VPS13A: variants seen among roughly 807,000 people sequenced by gnomAD.
VPS13A encodes intermembrane lipid transfer protein VPS13A.
In VPS13A, 264 loss-of-function variants were observed where a neutral mutation model predicts 390.9. That is an observed-to-expected ratio of 0.68 (90% CI 0.61 to 0.75). The LOEUF is 0.75. VPS13A is among the 30% of genes least tolerant of loss of function. VPS13A has a pLI of 0.00. For synonymous variants in VPS13A, 1,231 were observed against 1,227.1 expected (o/e 1.00, Z -0.07); for missense variants, 3,409 against 3,733.9 (o/e 0.91, Z 2.27).
chr9:77,211,895 G>A (rs1476969813), intron 7 of VPS13A, among the ~76,000 whole-genome samples: 10 of 152,160 alleles, frequency 6.6e-5, no homozygotes, highest in Non-Finnish European at 8.8e-5. Flanking sequence ...GAGCATTACC[G>A]CCTGAGCTCT....
chr9:77,201,468 C>G, intron 3 of VPS13A, 61 bp downstream of exon 3: 2 of 1,272,658 alleles, frequency 1.6e-6, no homozygotes, highest in Non-Finnish European at 2.3e-6. Context: ...AATAATTTGC[C>G]TAATATATCT....
chr9:77,353,374 T>C, intron 53 of VPS13A, 35 bp from the exon 54 acceptor site: 1 of 1,483,720 alleles, frequency 6.7e-7, no homozygotes, highest in African/African-American at 1.4e-5. Context: ...TTCTAATTTT[T>C]TGGTTTTTTT....
chr9:77,306,410 G>T (rs866960183), intron 34 of VPS13A, among the ~76,000 whole-genome samples: 1 of 132,984 alleles, frequency 7.5e-6, no homozygotes. Context: ...GAGTGTGTGT[G>T]TGTTTGTGTG....
chr9:77,402,903 TA>T (rs1834450706), intron 68 of VPS13A, among the ~76,000 whole-genome samples: 1 of 152,156 alleles, frequency 6.6e-6, no homozygotes, highest in South Asian at 2.1e-4. Context: ...TTTGTACAAA[TA>T]TTATTAAATA....
intron 34 of VPS13A, among the ~76,000 whole-genome samples, chr9:77,303,614 T>C (rs555878436): frequency 5.6e-4 from 85 of 152,238 alleles, no homozygotes; most frequent in Non-Finnish European, 1.1e-3. Flanking sequence ...TGATTATTAT[T>C]TTCATTATTT....
At chr9:77,199,839 A>G (rs185381432) in intron 1 of VPS13A, 106 bp from the exon 2 acceptor site, 1 of 874,570 alleles carries the variant, frequency 1.1e-6, no homozygotes, top group Non-Finnish European at 1.8e-6. Context: ...TGTTATGCAC[A>G]TTATTTATAT....
rs781022125 is a variant in VPS13A at position 77,260,134 on chromosome 9, T to A, written c.2337T>A (p.Asp779Glu). 162 of 1,587,932 alleles carry A rather than the reference T, an allele frequency of 1.0e-4. No individual in the cohort carries two copies. The highest frequency in any genetic ancestry group is 1.3e-4 in the Non-Finnish European group (151 of 1,157,572). Residue 779 changes from aspartate (D) to glutamate (E), a missense_variant, in exon 23 of 72, where the codon GAT (aspartate) becomes GAA (glutamate). Physicochemically the swap from Asp to Glu is conservative, Grantham distance 45 (BLOSUM62 2). This residue lies in a region of VPS13A where 2,717 missense variants were observed against 2,917.4 expected (regional missense o/e 0.93). Coordinates refer to ENST00000360280, the MANE Select transcript of VPS13A (RefSeq NM_033305.3). ...CTCTTATTTCTTTACGAATCTCAGATAAAAAACTACAAGGGATTATGGAAT... is the reference window on the plus strand; with the variant it reads ...CTCTTATTTCTTTACGAATCTCAGAAAAAAAACTACAAGGGATTATGGAAT... ...KLPLISLRIS[D>E]KKLQGIMELI...
chr9:77,289,680 T>C (rs1019977861), intron 31 of VPS13A, among the ~76,000 whole-genome samples: 1 of 152,236 alleles, frequency 6.6e-6, no homozygotes, highest in African/African-American at 2.4e-5. Flanking sequence ...GCAATTAGTT[T>C]TCTAAAGATG....
intron 71 of VPS13A, among the ~76,000 whole-genome samples, chr9:77,415,454 A>G (rs1240630508): frequency 1.3e-5 from 2 of 152,186 alleles, no homozygotes; most frequent in Non-Finnish European, 2.9e-5. Flanking sequence ...AATAATAGAC[A>G]TTACTGGTAG....
At chr9:77,355,976 G>A (rs1831754517) in intron 54 of VPS13A, among the ~76,000 whole-genome samples, 1 of 152,114 alleles carries the variant, frequency 6.6e-6, no homozygotes, top group South Asian at 2.1e-4. Context: ...TCAACACAGA[G>A]TGTATTCTTA....
intron 3 of VPS13A, among the ~76,000 whole-genome samples, chr9:77,204,551 C>G (rs1310052926): frequency 2.0e-5 from 3 of 152,070 alleles, no homozygotes; most frequent in African/African-American, 7.2e-5. Context: ...AATTACTATA[C>G]ATACATACAT....
intron 17 of VPS13A, 90 bp from the exon 18 acceptor site, chr9:77,237,912 G>C: frequency 1.0e-6 from 1 of 969,114 alleles, no homozygotes; most frequent in South Asian, 1.5e-5. Flanking sequence ...AAGTGAAGTT[G>C]TCTTCATTAA....
Position 77,252,975 on chromosome 9 carries a change from A to G in VPS13A, c.2288+623A>G, listed in dbSNP as rs142848223. Among the ~76,000 whole-genome samples, 1,287 of 152,246 alleles carry G rather than the reference A, an allele frequency of 8.5e-3. 10 individuals are homozygous for G. Among genetic ancestry groups the G allele is most frequent in the South Asian group, 0.014 (67 of 4,822 alleles). ...AATATCTGCTTAAGTCCCTGATTTC[A>G]GTATTTTTGGGTGTATACTCAGAAG... On this transcript the variant is annotated intron_variant, in intron 22 of 71. Coordinates refer to ENST00000360280, the MANE Select transcript of VPS13A (RefSeq NM_033305.3).
chr9:77,375,579 C>T lies in VPS13A; in HGVS notation c.9077+4430C>T, dbSNP rs531136724. Among the ~76,000 whole-genome samples, 23 of 152,254 alleles carry T rather than the reference C, an allele frequency of 1.5e-4. No homozygotes were observed. The South Asian group carries it at 3.9e-3, about 26-fold the overall frequency. On this transcript the variant is annotated intron_variant, in intron 67 of 71. Transcript: ENST00000360280. ...CTAAGTAGGAAGATAGTAACAATTT[C>T]AAACTTCTACTCAGTTCATAAAATA...
At chr9:77,242,270 T>C (rs1437625107) in intron 19 of VPS13A, among the ~76,000 whole-genome samples, 1 of 152,162 alleles carries the variant, frequency 6.6e-6, no homozygotes, top group Non-Finnish European at 1.5e-5. Context: ...TTTCCTAAGA[T>C]AAAATAATTT....
intron 14 of VPS13A, 88 bp downstream of exon 14, chr9:77,226,076 A>C: frequency 8.0e-7 from 1 of 1,255,266 alleles, no homozygotes; most frequent in Non-Finnish European, 1.1e-6. Flanking sequence ...ATACTGTAAC[A>C]TATTGTTTCC....
At chr9:77,184,487 C>T (rs1824209890) in intron 1 of VPS13A, among the ~76,000 whole-genome samples, 1 of 152,018 alleles carries the variant, frequency 6.6e-6, no homozygotes, top group Non-Finnish European at 1.5e-5. Flanking sequence ...GGTGTGGTGG[C>T]GGGCACCTGT....
At position 77,419,937 on chromosome 9, in the gene VPS13A, TTTTTACTAAAAACAGTGGA is replaced by T. The variant is rs1442910980; in HGVS notation, c.*3935_*3953del. 82 of 152,268 alleles carry T rather than the reference TTTTTACTAAAAACAGTGGA, an allele frequency of 5.4e-4. No homozygotes were observed. Among genetic ancestry groups the T allele is most frequent in the African/African-American group, 1.8e-3 (75 of 41,556 alleles). The allele number at this position is 152,268 out of a possible 1,614,324, so 9.4% of individuals were successfully genotyped here. ...GGGGTGCTATGCAAATATCAATGAC[TTTTTACTAAAAACAGTGGA>T]TTTCCTCATTTCTTTAAGATCCAAG... On this transcript the variant is annotated 3_prime_UTR_variant, in exon 72 of 72. Coordinates refer to ENST00000360280, the MANE Select transcript of VPS13A (RefSeq NM_033305.3).
At chr9:77,194,293 C>T (rs978211217) in intron 1 of VPS13A, among the ~76,000 whole-genome samples, 1 of 151,706 alleles carries the variant, frequency 6.6e-6, no homozygotes, top group Non-Finnish European at 1.5e-5. Flanking sequence ...TGCGGTTGGG[C>T]ATCAGCGTCC....
Sources: allele counts gnomAD v4.1 joint callset (sites outside exome capture counted in the v4.1 genomes callset), GRCh38; gene constraint gnomAD v4.1.1; regional missense constraint gnomAD v4.1.1; transcripts MANE v1.5; gene names NCBI Gene and HGNC (gene_info 2026-07-23, HGNC 2026-07-21).